The following BMP7 variants were observed in gnomAD, a reference collection of about 807,000 sequenced individuals.
BMP7 encodes the protein osteogenic protein 1.
BMP7 carries 12 observed loss-of-function variants against 41.2 expected under a neutral mutation model. That is an observed-to-expected ratio of 0.29 (90% CI 0.19 to 0.47). The LOEUF is 0.47. BMP7 is among the 20% of genes least tolerant of loss of function. The pLI is 0.99. For missense variants in BMP7, 467 were observed against 606.0 expected (o/e 0.77, Z 2.41); for synonymous variants, 248 against 250.0 (o/e 0.99, Z 0.07).
intron 2 of BMP7, among the ~76,000 whole-genome samples, chr20:57,205,032 C>T (rs1007173548): frequency 3.9e-5 from 6 of 152,144 alleles, no homozygotes; most frequent in Non-Finnish European, 5.9e-5. Context: ...GACACGGCAA[C>T]GAGGTGTCAT....
intron 2 of BMP7, among the ~76,000 whole-genome samples, chr20:57,217,411 A>G (rs1202995329): frequency 6.6e-6 from 1 of 152,226 alleles, no homozygotes; most frequent in Non-Finnish European, 1.5e-5. Flanking sequence ...GCAAAGCCAC[A>G]TGGAGTGCTC....
Position 57,265,706 on chromosome 20 carries a change from G to A in BMP7, c.417C>T (p.Leu139=), listed in dbSNP as rs754059991. ...GTACCCTCGCCTGCCCTTACTCACC[G>A]AGGTTGACGAAGCTCATGACCATGT... ...DADMVMSFVN[L]VEHDKEFFHP... The change falls in exon 1 of 7, where the codon CTC becomes CTT. Residue 139 remains leucine, a splice_region_variant and synonymous_variant. Transcript: ENST00000395863. The A allele has an allele frequency of 6.2e-7, 1 of 1,602,266 alleles. No homozygotes were observed. The highest frequency in any genetic ancestry group is 1.1e-5 in the South Asian group (1 of 88,590).
chr20:57,232,891 AC>A (rs2066034486), intron 1 of BMP7, among the ~76,000 whole-genome samples: 2 of 150,698 alleles, frequency 1.3e-5, no homozygotes, highest in African/African-American at 4.9e-5. Flanking sequence ...ACACACACAC[AC>A]ACACACAAAT....
Position 57,189,715 on chromosome 20 carries a change from C to T in BMP7, c.761-5796G>A, listed in dbSNP as rs1188032800. ...GCATCCTTTGCCTCGTCCTCCTCTC[C>T]TAACGTAGGTTCTGTGTCCCAGGCT... On this transcript the variant is annotated intron_variant, in intron 3 of 6. Coordinates refer to ENST00000395863, the MANE Select transcript of BMP7 (RefSeq NM_001719.3). Among the ~76,000 whole-genome samples the T allele has an allele frequency of 2.6e-5, 4 of 152,262 alleles. No homozygotes were observed. The East Asian group carries it at 5.8e-4, about 22-fold the overall frequency.
At chr20:57,245,333 TG>T (rs1190284835) in intron 1 of BMP7, among the ~76,000 whole-genome samples, 1 of 151,662 alleles carries the variant, frequency 6.6e-6, no homozygotes, top group Non-Finnish European at 1.5e-5. Flanking sequence ...AACAAAAAAG[TG>T]GTGTTTTTTT....
At chr20:57,209,267 AT>A (rs1984823286) in intron 2 of BMP7, among the ~76,000 whole-genome samples, 3 of 130,238 alleles carry the variant, frequency 2.3e-5, no homozygotes, top group Non-Finnish European at 4.7e-5. Flanking sequence ...ATATATATAT[AT>A]ATATATATAT....
intron 2 of BMP7, among the ~76,000 whole-genome samples, chr20:57,211,278 G>A (rs1188592612): frequency 6.6e-6 from 1 of 152,194 alleles, no homozygotes; most frequent in Non-Finnish European, 1.5e-5. Flanking sequence ...AAAACTGAGG[G>A]GCAGGGAGGC....
chr20:57,173,138 T>A (rs778428047), intron 6 of BMP7, 62 bp downstream of exon 6: 4 of 1,518,764 alleles, frequency 2.6e-6, no homozygotes, highest in Non-Finnish European at 3.6e-6. Flanking sequence ...GGCAGCAGGA[T>A]CTGGTGGCCC....
In BMP7 at chr20:57,265,803, T is replaced by G. The variant is rs2066174822; in HGVS notation, c.320A>C (p.Tyr107Ser). ...GPGGQGFSYP[Y>S]KAVFSTQGPP... ...GCCCTGGGTACTGAAGACGGCCTTGTAGGGGTAGGAGAAGCCCTGGCCGCC... is the reference window on the plus strand; with the variant it reads ...GCCCTGGGTACTGAAGACGGCCTTGGAGGGGTAGGAGAAGCCCTGGCCGCC... Residue 107 changes from tyrosine (Y) to serine (S), a missense_variant, in exon 1 of 7, where the codon TAC becomes TCC. Around this residue, in one of 2 missense-constraint regions of BMP7, gnomAD observed 407 missense variants for 485.9 expected, o/e 0.84. Coordinates refer to ENST00000395863, the MANE Select transcript of BMP7 (RefSeq NM_001719.3). 1 of 1,608,972 alleles carries G rather than the reference T, an allele frequency of 6.2e-7. No individual in the cohort carries two copies. Among genetic ancestry groups the G allele is most frequent in the South Asian group, 1.1e-5 (1 of 89,820 alleles).
intron 2 of BMP7, among the ~76,000 whole-genome samples, chr20:57,212,786 C>T (rs1344364013): frequency 9.2e-5 from 14 of 152,114 alleles, no homozygotes; most frequent in Non-Finnish European, 1.5e-5. Context: ...TCAAAGGAGC[C>T]CAGAAGGAAG....
chr20:57,238,669 A>G (rs8182932), intron 1 of BMP7, among the ~76,000 whole-genome samples: 25,208 of 151,820 alleles, frequency 0.17, 2,359 homozygotes, highest in African/African-American at 0.24. Flanking sequence ...GTCTGTTTTC[A>G]TGCTGCTGAC....
At chr20:57,256,723 A>C (rs6092445) in intron 1 of BMP7, among the ~76,000 whole-genome samples, 1 of 152,104 alleles carries the variant, frequency 6.6e-6, no homozygotes, top group Non-Finnish European at 1.5e-5. Flanking sequence ...TAAAAAATAA[A>C]AAAAAATAAC....
intron 3 of BMP7, among the ~76,000 whole-genome samples, chr20:57,192,350 G>A (rs1000354552): frequency 1.1e-4 from 15 of 142,116 alleles, no homozygotes; most frequent in African/African-American, 3.6e-4. Flanking sequence ...TTTTTTATGT[G>A]TATATATATA....
chr20:57,197,611 A>C (rs555879567), intron 3 of BMP7, among the ~76,000 whole-genome samples: 11 of 152,294 alleles, frequency 7.2e-5, no homozygotes, highest in African/African-American at 2.6e-4. Context: ...CATCTATAAA[A>C]TGTTGGTGAT....
intron 1 of BMP7, among the ~76,000 whole-genome samples, chr20:57,265,275 G>A (rs2066171562): frequency 6.6e-6 from 1 of 152,152 alleles, no homozygotes; most frequent in African/African-American, 2.4e-5. Context: ...CGACGGCCGC[G>A]ATGCCAGAGC....
intron 1 of BMP7, among the ~76,000 whole-genome samples, chr20:57,241,377 G>A (rs775258518): frequency 1.3e-5 from 2 of 152,180 alleles, no homozygotes; most frequent in Non-Finnish European, 2.9e-5. Flanking sequence ...CCTGCCTAAT[G>A]CCAGTCCTTG....
At position 57,183,823 on chromosome 20, in the gene BMP7, A is replaced by G. The variant is rs765543990; in HGVS notation, c.857T>C (p.Val286Ala). The change falls in exon 4 of 7, where the codon GTC (valine) becomes GCC (alanine). Residue 286 changes from valine (V) to alanine (A), a missense_variant. This residue lies in a region of BMP7 where 407 missense variants were observed against 485.9 expected (regional missense o/e 0.84). Coordinates refer to ENST00000395863, the MANE Select transcript of BMP7 (RefSeq NM_001719.3). ...FMVAFFKATE[V>A]HFRSIRSTGS... ...CGTGGACCGGATGCTGCGGAAGTGG[A>G]CCTCCGTGGCCTTGAAGAAAGCCAC... 9 of 1,613,946 alleles carry G rather than the reference A, an allele frequency of 5.6e-6. No homozygotes were observed. Among genetic ancestry groups the G allele is most frequent in the Non-Finnish European group, 7.6e-6 (9 of 1,180,002 alleles).
At chr20:57,195,767 A>G (rs576151661) in intron 3 of BMP7, among the ~76,000 whole-genome samples, 2 of 152,244 alleles carry the variant, frequency 1.3e-5, no homozygotes, top group South Asian at 2.1e-4. Context: ...ATCCAATTCA[A>G]TCTGGAGTGA....
chr20:57,175,671 G>A (rs1163092740), intron 4 of BMP7, among the ~76,000 whole-genome samples: 4 of 152,212 alleles, frequency 2.6e-5, no homozygotes, highest in Non-Finnish European at 5.9e-5. Flanking sequence ...TTGCAGAAGT[G>A]TCTGTCTGTC....
Sources: allele counts gnomAD v4.1 joint callset (sites outside exome capture counted in the v4.1 genomes callset), GRCh38; gene constraint gnomAD v4.1.1; regional missense constraint gnomAD v4.1.1; transcripts MANE v1.5; gene names NCBI Gene and HGNC (gene_info 2026-07-23, HGNC 2026-07-21).